ABCA12: variants seen among roughly 807,000 people sequenced by gnomAD.
The protein encoded by ABCA12 is glucosylceramide transporter ABCA12.
Under a neutral mutation model 293.5 loss-of-function variants are expected in ABCA12, and 156 were observed. The ratio of observed to expected loss-of-function variants is 0.53; its 90% CI spans 0.47 to 0.61. The LOEUF (loss-of-function observed/expected upper bound fraction) is 0.61. Ranked by LOEUF, ABCA12 falls within the 20% of genes least tolerant of loss-of-function variation. ABCA12 has a pLI of 0.00. For synonymous variants in ABCA12, 1,063 were observed against 1,108.0 expected (o/e 0.96, Z 0.81); for missense variants, 2,797 against 3,090.2 (o/e 0.91, Z 2.25).
Position 214,932,524 on chromosome 2 carries a change from G to A in ABCA12, c.*110C>T, listed in dbSNP as rs959458903. On this transcript the variant is annotated 3_prime_UTR_variant, in exon 53 of 53. Transcript: ENST00000272895. ...TAACACAGTTGTAACTTTCCATACAGTATATTACTTTACTTTAAAATGAAG... is the reference window on the plus strand; with the variant it reads ...TAACACAGTTGTAACTTTCCATACAATATATTACTTTACTTTAAAATGAAG... The A allele has an allele frequency of 4.7e-6, 4 of 855,390 alleles. No individual in the cohort carries two copies. The highest frequency in any genetic ancestry group is 2.0e-5 in the Admixed American group (1 of 49,912). 53.0% of individuals were successfully genotyped at this position (855,390 alleles called of 1,614,324 possible).
rs183102306 is a variant in ABCA12, at chr2:215,094,547, A to G, written c.163+17050T>C. On this transcript the variant is annotated intron_variant, in intron 2 of 52. Coordinates refer to ENST00000272895, the MANE Select transcript of ABCA12 (RefSeq NM_173076.3). ...CATTCCATTCTATCGTCGTTTCACA[A>G]CCTCTTCTATGTAGGTCACAAGCCA... 2.1e-3 allele frequency among the ~76,000 whole-genome samples: 312 copies of G among 151,970 alleles called. 1 individual carries two copies. The highest frequency in any genetic ancestry group is 3.5e-3 in the Non-Finnish European group (237 of 67,928).
At chr2:215,034,492 C>T (rs1700949273) in intron 8 of ABCA12, among the ~76,000 whole-genome samples, 1 of 152,212 alleles carries the variant, frequency 6.6e-6, no homozygotes, top group African/African-American at 2.4e-5. Flanking sequence ...GGGAGCCAAG[C>T]TCCATCAGTG....
At chr2:215,033,333 C>G (rs1700919094) in intron 8 of ABCA12, among the ~76,000 whole-genome samples, 1 of 152,150 alleles carries the variant, frequency 6.6e-6, no homozygotes, top group South Asian at 2.1e-4. Flanking sequence ...TTTCTAAGAT[C>G]AAATTTTGCT....
chr2:214,975,060 G>C (rs1030053679), intron 34 of ABCA12, among the ~76,000 whole-genome samples, 196 bp from the exon 35 acceptor site: 2 of 152,154 alleles, frequency 1.3e-5, no homozygotes, highest in Admixed American at 1.3e-4. Flanking sequence ...AGCCTCCCGG[G>C]TTCAAGCGAT....
At chr2:214,989,014 A>G (rs2105974342) in intron 26 of ABCA12, among the ~76,000 whole-genome samples, 1 of 150,792 alleles carries the variant, frequency 6.6e-6, no homozygotes, top group East Asian at 2.0e-4. Flanking sequence ...CCCCGGCTCT[A>G]TTAAAAATAC....
intron 6 of ABCA12, 117 bp from the exon 7 acceptor site, chr2:215,046,132 C>T (rs1404472685): frequency 9.9e-7 from 1 of 1,012,810 alleles, no homozygotes; most frequent in Non-Finnish European, 1.5e-6. Context: ...TTCTTTTAGA[C>T]CTTCACTCAG....
At chr2:215,132,885 A>G (rs1229284458) in intron 1 of ABCA12, among the ~76,000 whole-genome samples, 2 of 151,992 alleles carry the variant, frequency 1.3e-5, no homozygotes, top group Non-Finnish European at 2.9e-5. Flanking sequence ...TTCTATGTTT[A>G]GAAATCCTTT....
intron 22 of ABCA12, among the ~76,000 whole-genome samples, chr2:214,999,057 A>G (rs758112112): frequency 6.6e-6 from 1 of 152,210 alleles, no homozygotes; most frequent in Non-Finnish European, 1.5e-5. Context: ...GTGTGTCATT[A>G]TCAGAGAGAT....
chr2:215,135,636 G>A (rs1367215051), intron 1 of ABCA12, among the ~76,000 whole-genome samples: 4 of 152,052 alleles, frequency 2.6e-5, no homozygotes, highest in Non-Finnish European at 2.9e-5. Context: ...ATTATTTGAT[G>A]GATAACCAAG....
Position 215,138,131 on chromosome 2 carries a change from T to C in ABCA12, c.69+9A>G. The C allele has an allele frequency of 1.9e-6, 3 of 1,614,030 alleles. No homozygotes were observed. The highest frequency in any genetic ancestry group is 2.5e-6 in the Non-Finnish European group (3 of 1,179,902). On this transcript the variant is annotated intron_variant, in intron 1 of 52. Transcript: ENST00000272895. Reference sequence around the variant, plus strand: ...ATGACCCATACTCCCACACTTTTTTTTAACTCACCGGCTGCCTTTTTACAC... The same window carrying C: ...ATGACCCATACTCCCACACTTTTTTCTAACTCACCGGCTGCCTTTTTACAC...
At chr2:215,138,050 T>C in intron 1 of ABCA12, 90 bp downstream of exon 1, 6 of 1,317,042 alleles carry the variant, frequency 4.6e-6, no homozygotes, top group Non-Finnish European at 5.5e-6. Flanking sequence ...CTTTAAACTC[T>C]TCTGTTTTCA....
chr2:215,084,342 C>A (rs1453317781), intron 2 of ABCA12, among the ~76,000 whole-genome samples: 1 of 5,676 alleles, frequency 1.8e-4, no homozygotes, highest in South Asian at 0.071. Context: ...TATTTCAGAA[C>A]CACCCCCCCA....
At chr2:215,004,160 A>G (rs1375735832) in intron 20 of ABCA12, 49 bp downstream of exon 20, 6 of 1,459,780 alleles carry the variant, frequency 4.1e-6, no homozygotes, top group East Asian at 2.3e-5. Context: ...AATGTTGTTT[A>G]TATGTCCGAC....
intron 1 of ABCA12, among the ~76,000 whole-genome samples, chr2:215,131,622 T>C (rs768885737): frequency 2.6e-5 from 4 of 151,792 alleles, no homozygotes; most frequent in African/African-American, 4.8e-5. Flanking sequence ...TCTTTCTTTT[T>C]TCCTTAGTCT....
At chr2:214,978,733 G>T in intron 32 of ABCA12, 71 bp downstream of exon 32, 6 of 1,501,730 alleles carry the variant, frequency 4.0e-6, no homozygotes, top group Non-Finnish European at 5.5e-6. Flanking sequence ...TTAGAAAAAT[G>T]GCACATATTT....
At position 214,932,270 on chromosome 2, in the gene ABCA12, T is replaced by A. The variant is rs1698082228; in HGVS notation, c.*364A>T. 4.0e-6 allele frequency: 1 copy of A among 247,594 alleles called. No homozygotes were observed. Among genetic ancestry groups the A allele is most frequent in the African/African-American group, 2.3e-5 (1 of 43,292 alleles). 15.3% of individuals were successfully genotyped at this position (247,594 alleles called of 1,614,324 possible). A position where few individuals can be genotyped will look rare whatever the true frequency, so the allele number is the denominator to read the frequency against. Reference sequence around the variant, plus strand: ...CCTGCCACAAACCATCTGACTTTTCTTCTCCACTCTTATATTTCAACTACC... The same window carrying A: ...CCTGCCACAAACCATCTGACTTTTCATCTCCACTCTTATATTTCAACTACC... On this transcript the variant is annotated 3_prime_UTR_variant, in exon 53 of 53. Coordinates refer to ENST00000272895, the MANE Select transcript of ABCA12 (RefSeq NM_173076.3).
intron 2 of ABCA12, among the ~76,000 whole-genome samples, chr2:215,076,676 A>C (rs377498953): frequency 1.3e-5 from 2 of 152,174 alleles, no homozygotes; most frequent in East Asian, 3.9e-4. Context: ...GTGCAAAAGG[A>C]GACATATAAA....
At chr2:215,021,908 C>CAATAA (rs1306120836) in intron 11 of ABCA12, 2 of 152,056 alleles carry the variant, frequency 1.3e-5, no homozygotes, top group African/African-American at 2.4e-5. Flanking sequence ...TTTATATGTA[C>CAATAA]AAAAATTCTA....
chr2:214,950,414 G>GTA (rs1271004085), intron 45 of ABCA12, among the ~76,000 whole-genome samples: 1 of 123,834 alleles, frequency 8.1e-6, no homozygotes, highest in African/African-American at 3.1e-5. Flanking sequence ...GTGTGTGTGT[G>GTA]TGTGTGTATA....
Sources: gnomAD v4.1 joint callset for allele counts (sites outside exome capture counted in the v4.1 genomes callset) on GRCh38, gnomAD v4.1.1 for gene constraint, MANE v1.5 for transcripts, NCBI Gene and HGNC (gene_info 2026-07-23, HGNC 2026-07-21) for gene names.